Variants in RFWD3 observed in about 807,000 individuals in gnomAD.
RFWD3 encodes the protein ring finger and WD repeat domain 3, also known as E3 ubiquitin-protein ligase RFWD3.
Under a neutral mutation model 87.7 loss-of-function variants are expected in RFWD3, and 65 were observed. That is an observed-to-expected ratio of 0.74 (90% CI 0.61 to 0.91). The LOEUF (loss-of-function observed/expected upper bound fraction) is 0.91, where lower values mean the gene tolerates loss of function less well. Among genes scored for constraint, RFWD3 ranks in the 40% least tolerant of loss-of-function variants. RFWD3 has a pLI of 0.00. For missense variants in RFWD3, 1,078 were observed against 938.5 expected (o/e 1.15, Z -1.94); for synonymous variants, 433 against 352.8 (o/e 1.23, Z -2.55).
chr16:74,634,068 T>C (rs1478598259), intron 8 of RFWD3, among the ~76,000 whole-genome samples: 2 of 152,164 alleles, frequency 1.3e-5, no homozygotes, highest in African/African-American at 2.4e-5. Flanking sequence ...TCAAATTGTA[T>C]ACTTTAAATA....
Position 74,661,398 on chromosome 16 carries a change from C to T in RFWD3, c.52G>A (p.Glu18Lys), listed in dbSNP as rs371871237. The T allele has an allele frequency of 7.4e-6, 12 of 1,613,734 alleles. No homozygotes were observed. The highest frequency in any genetic ancestry group is 1.6e-4 in the Middle Eastern group (1 of 6,082). Reference sequence around the variant, plus strand: ...ATGCCAGCAGGAGCTGGCTGTTGTTCGGCATGATTTAACTGCACCTGAACA... The same window carrying T: ...ATGCCAGCAGGAGCTGGCTGTTGTTTGGCATGATTTAACTGCACCTGAACA... ...YDVQVQLNHA[E>K]QQPAPAGMAS... The change falls in exon 2 of 13, where the codon GAA (glutamate) becomes AAA (lysine). Residue 18 changes from glutamate to lysine, a missense_variant. Physicochemically the swap from Glu to Lys is moderately conservative, Grantham distance 56 (BLOSUM62 1). Transcript: ENST00000361070.
chr16:74,624,574 T>A (rs973223883), intron 12 of RFWD3, among the ~76,000 whole-genome samples: 1 of 152,208 alleles, frequency 6.6e-6, no homozygotes, highest in Non-Finnish European at 1.5e-5. Flanking sequence ...TTTCTTGTAT[T>A]TTTGGTAGAG....
intron 10 of RFWD3, among the ~76,000 whole-genome samples, 173 bp downstream of exon 10, chr16:74,630,600 GCATGAATA>G (rs1959063495): frequency 6.6e-6 from 1 of 152,178 alleles, no homozygotes; most frequent in Non-Finnish European, 1.5e-5. Context: ...ATATGAAATA[GCATGAATA>G]CAAACTCTTA....
chr16:74,649,935 G>A (rs1342916294), intron 3 of RFWD3, among the ~76,000 whole-genome samples: 1 of 152,052 alleles, frequency 6.6e-6, no homozygotes, highest in East Asian at 1.9e-4. Flanking sequence ...ATAATAAATT[G>A]AGCATTGTGC....
chr16:74,633,883 G>A (rs1228277910), intron 8 of RFWD3, among the ~76,000 whole-genome samples: 2 of 151,998 alleles, frequency 1.3e-5, no homozygotes, highest in East Asian at 3.9e-4. Flanking sequence ...CCAGGAGGCG[G>A]AGGTTGTAAT....
At chr16:74,663,362 G>C (rs982245660) in intron 1 of RFWD3, among the ~76,000 whole-genome samples, 8 of 152,126 alleles carry the variant, frequency 5.3e-5, no homozygotes, top group Admixed American at 2.6e-4. Flanking sequence ...AGGAAACATG[G>C]GAATGTGGTG....
At position 74,644,365 on chromosome 16, in the gene RFWD3, T is replaced by G; in HGVS notation, c.1076A>C (p.Lys359Thr). 1.2e-6 allele frequency: 2 copies of G among 1,614,090 alleles called. No homozygotes were observed. The highest frequency in any genetic ancestry group is 4.5e-5 in the East Asian group (2 of 44,878). Residue 359 changes from lysine to threonine, a missense_variant, in exon 6 of 13, where the codon AAA becomes ACA. By Grantham distance (78) the Lys-to-Thr change is moderately conservative (BLOSUM62 -1). Transcript: ENST00000361070. Reference sequence around the variant, plus strand: ...CAGGCATACTCTTACCACCTACCTTTTCATGCGCTCCTGTTCACTAGTGTC... The same window carrying G: ...CAGGCATACTCTTACCACCTACCTTGTCATGCGCTCCTGTTCACTAGTGTC... ...ALDTSEQERMKSSLLKEQMLR... is the reference protein window; with the variant it reads ...ALDTSEQERMTSSLLKEQMLR...
intron 4 of RFWD3, among the ~76,000 whole-genome samples, chr16:74,648,839 G>A (rs145419495): frequency 5.9e-5 from 9 of 151,914 alleles, no homozygotes; most frequent in Admixed American, 4.6e-4. Context: ...CAATCTCAAT[G>A]GTTTGGGAGG....
intron 11 of RFWD3, 115 bp from the exon 12 acceptor site, chr16:74,626,669 A>C: frequency 4.2e-6 from 3 of 720,940 alleles, no homozygotes; most frequent in Non-Finnish European, 7.0e-6. Flanking sequence ...TAAATGCATT[A>C]AACCATCAAG....
chr16:74,636,853 T>C (rs970922322), intron 7 of RFWD3, among the ~76,000 whole-genome samples: 4 of 151,750 alleles, frequency 2.6e-5, no homozygotes, highest in Admixed American at 1.3e-4. Flanking sequence ...TGGGATTACA[T>C]GCACCCACTA....
chr16:74,636,928 G>A (rs1041792986), intron 7 of RFWD3, among the ~76,000 whole-genome samples: 7 of 151,760 alleles, frequency 4.6e-5, no homozygotes, highest in Non-Finnish European at 8.8e-5. Context: ...GGCCGGGCTG[G>A]TCTTGAACTC....
chr16:74,651,766 T>C (rs920621908), intron 3 of RFWD3, among the ~76,000 whole-genome samples, 154 bp downstream of exon 3: 2 of 152,220 alleles, frequency 1.3e-5, no homozygotes, highest in Non-Finnish European at 2.9e-5. Context: ...TACATAATTA[T>C]GGCCAGTGAA....
intron 3 of RFWD3, among the ~76,000 whole-genome samples, chr16:74,651,471 T>G (rs890406967): frequency 2.6e-5 from 4 of 151,942 alleles, no homozygotes; most frequent in African/African-American, 9.7e-5. Context: ...TTTAAAAAAT[T>G]AGCCAGGTGT....
intron 1 of RFWD3, 142 bp from the exon 2 acceptor site, chr16:74,661,593 C>A: frequency 1.3e-6 from 1 of 791,374 alleles, no homozygotes; most frequent in Non-Finnish European, 2.0e-6. Flanking sequence ...AAGATTTTAA[C>A]TACTTAAGTC....
chr16:74,651,726 A>C (rs1597447196), intron 3 of RFWD3, among the ~76,000 whole-genome samples, 194 bp downstream of exon 3: 2 of 152,246 alleles, frequency 1.3e-5, no homozygotes, highest in South Asian at 4.1e-4. Flanking sequence ...CACAAATTAC[A>C]TTAAGCTGTA....
chr16:74,660,538 A>C (rs1961344532), intron 2 of RFWD3: 1 of 183,128 alleles, frequency 5.5e-6, no homozygotes, highest in African/African-American at 2.4e-5. Flanking sequence ...TTGACAGCTA[A>C]GCCCTTCAAG....
chr16:74,634,213 GAT>G (rs1404062454), intron 8 of RFWD3, among the ~76,000 whole-genome samples: 1 of 152,084 alleles, frequency 6.6e-6, no homozygotes. Context: ...TGTCAGTCAA[GAT>G]ATGTCACATC....
intron 1 of RFWD3, among the ~76,000 whole-genome samples, chr16:74,665,794 T>A (rs920235996): frequency 6.6e-6 from 1 of 151,532 alleles, no homozygotes; most frequent in African/African-American, 2.4e-5. Context: ...TTGCCCAGGC[T>A]GGAGTGCAAT....
intron 8 of RFWD3, among the ~76,000 whole-genome samples, chr16:74,633,293 AGAAAAG>A: frequency 6.7e-6 from 1 of 150,184 alleles, no homozygotes; most frequent in Admixed American, 6.6e-5. Context: ...AAAAAAAAAA[AGAAAAG>A]AAAAAAAAGT....
Sources: allele counts gnomAD v4.1 joint callset (sites outside exome capture counted in the v4.1 genomes callset), GRCh38; gene constraint gnomAD v4.1.1; transcripts MANE v1.5; gene names NCBI Gene and HGNC (gene_info 2026-07-23, HGNC 2026-07-21).